Variants in CNTN5 observed in about 807,000 individuals in gnomAD.
CNTN5 encodes contactin 5.
In CNTN5, 77 loss-of-function variants were observed where a neutral mutation model predicts 129.1. The ratio of observed to expected loss-of-function variants is 0.60; its 90% CI spans 0.50 to 0.72. CNTN5 has a LOEUF of 0.72. Among genes scored for constraint, CNTN5 ranks in the 30% least tolerant of loss-of-function variants. The pLI, the probability that CNTN5 is intolerant of heterozygous loss-of-function variation, is 0.00. For missense variants in CNTN5, 1,478 were observed against 1,328.8 expected, an observed-to-expected ratio of 1.11 and a Z score of -1.75; for synonymous variants, 509 against 465.6, an observed-to-expected ratio of 1.09 and a Z score of -1.20.
chr11:100,299,258 TCC>T lies in CNTN5; in HGVS notation c.2483_2484del (p.Ser828PhefsTer2). Reference protein sequence around the residue: ...TRGWKEKMVTSSEASKFIYRD... With the variant: ...TRGWKEKMVTXSEASKFIYRD... ...TGGCTGGAAGGAAAAAATGGTGACA[TCC>T]TCTGAAGCTTCCAAATTCATTTATC... is the stretch of plus-strand genomic sequence containing the variant. On this transcript the variant is annotated frameshift_variant, in exon 20 of 25. Coordinates refer to ENST00000524871, the MANE Select transcript of CNTN5 (RefSeq NM_014361.4). LOFTEE classifies it high-confidence loss of function. The T allele has an allele frequency of 6.2e-7, 1 of 1,610,624 alleles. No homozygotes were observed. Among genetic ancestry groups the T allele is most frequent in the Non-Finnish European group, 8.5e-7 (1 of 1,177,750 alleles).
intron 15 of CNTN5, among the ~76,000 whole-genome samples, chr11:100,208,056 A>C (rs1475160250): frequency 6.6e-6 from 1 of 152,208 alleles, no homozygotes; most frequent in East Asian, 1.9e-4. Context: ...ATTGAGATTT[A>C]AATATTTTTA....
intron 6 of CNTN5, among the ~76,000 whole-genome samples, chr11:99,863,694 C>T (rs565444141): frequency 6.6e-6 from 1 of 152,134 alleles, no homozygotes; most frequent in Non-Finnish European, 1.5e-5. Context: ...TATTTTCTAG[C>T]ACCTAAAATT....
At chr11:99,086,257 C>T (rs1175738543) in intron 1 of CNTN5, among the ~76,000 whole-genome samples, 4 of 152,216 alleles carry the variant, frequency 2.6e-5, no homozygotes, top group African/African-American at 9.6e-5. Flanking sequence ...TTCCATCTCA[C>T]ACACACCCAC....
intron 3 of CNTN5, among the ~76,000 whole-genome samples, chr11:99,556,748 A>G (rs1250118953): frequency 1.3e-5 from 2 of 150,612 alleles, no homozygotes; most frequent in African/African-American, 4.8e-5. Flanking sequence ...TAGCTTTATT[A>G]TATATAACAC....
chr11:99,927,422 C>T (rs555987631), intron 7 of CNTN5, among the ~76,000 whole-genome samples: 12 of 152,144 alleles, frequency 7.9e-5, no homozygotes, highest in African/African-American at 2.2e-4. Context: ...TGCATTATCC[C>T]GCTGCTATGA....
intron 3 of CNTN5, among the ~76,000 whole-genome samples, chr11:99,805,110 T>A (rs1946228952): frequency 6.6e-6 from 1 of 152,082 alleles, no homozygotes; most frequent in Non-Finnish European, 1.5e-5. Flanking sequence ...TGTGCTTTGG[T>A]TTAAAGGTTT....
chr11:99,609,676 T>A (rs1013266959), intron 3 of CNTN5, among the ~76,000 whole-genome samples: 4 of 152,024 alleles, frequency 2.6e-5, no homozygotes, highest in African/African-American at 9.7e-5. Context: ...CTTAGGAACT[T>A]TAGATTATTG....
chr11:99,228,528 A>G (rs75517176), intron 1 of CNTN5, among the ~76,000 whole-genome samples: 14,625 of 152,166 alleles, frequency 0.096, 740 homozygotes, highest in Middle Eastern at 0.12. Flanking sequence ...TCCAGATGAT[A>G]GATACCCTAA....
intron 13 of CNTN5, among the ~76,000 whole-genome samples, chr11:100,115,843 C>T (rs1255268495): frequency 5.3e-5 from 8 of 151,858 alleles, no homozygotes; most frequent in Non-Finnish European, 1.2e-4. Context: ...GGTTTTGAAA[C>T]TCAGAAACTA....
At chr11:99,130,518 A>T (rs1858879246) in intron 1 of CNTN5, among the ~76,000 whole-genome samples, 1 of 152,196 alleles carries the variant, frequency 6.6e-6, no homozygotes, top group Non-Finnish European at 1.5e-5. Context: ...TAATAGTGGG[A>T]GAATGTAATG....
At chr11:99,267,387 G>A (rs1010887054) in intron 1 of CNTN5, among the ~76,000 whole-genome samples, 4 of 151,900 alleles carry the variant, frequency 2.6e-5, no homozygotes, top group African/African-American at 9.7e-5. Flanking sequence ...TTCAGTTGGT[G>A]TCTTTAATGT....
intron 7 of CNTN5, among the ~76,000 whole-genome samples, chr11:99,920,705 C>A (rs1161294737): frequency 5.9e-5 from 9 of 152,168 alleles, no homozygotes; most frequent in Non-Finnish European, 7.3e-5. Flanking sequence ...TGTGTACTCA[C>A]ATGGTGGAAG....
intron 9 of CNTN5, among the ~76,000 whole-genome samples, chr11:100,059,133 G>C (rs1036244609): frequency 3.3e-5 from 5 of 152,140 alleles, no homozygotes; most frequent in Admixed American, 3.3e-4. Flanking sequence ...CAAATTATAT[G>C]ACAAAAGCAA....
At chr11:100,002,483 A>G (rs1010728565) in intron 9 of CNTN5, among the ~76,000 whole-genome samples, 3 of 152,202 alleles carry the variant, frequency 2.0e-5, no homozygotes, top group East Asian at 1.9e-4. Context: ...GCAAAGTACT[A>G]TCTGCTCCTC....
At chr11:99,901,364 C>T (rs1043277779) in intron 6 of CNTN5, among the ~76,000 whole-genome samples, 1 of 151,996 alleles carries the variant, frequency 6.6e-6, no homozygotes, top group Non-Finnish European at 1.5e-5. Flanking sequence ...GATCTTGGCT[C>T]ACTGCCACCT....
intron 1 of CNTN5, among the ~76,000 whole-genome samples, chr11:99,219,130 A>C (rs1236863846): frequency 6.6e-6 from 1 of 152,038 alleles, no homozygotes; most frequent in Admixed American, 6.6e-5. Context: ...TATATTCAAC[A>C]AATATTTACT....
chr11:99,526,836 C>T (rs567611987), intron 2 of CNTN5, among the ~76,000 whole-genome samples: 1 of 152,316 alleles, frequency 6.6e-6, no homozygotes, highest in African/African-American at 2.4e-5. Context: ...CTGTAAAACT[C>T]AGCCAACACA....
chr11:99,572,493 G>C (rs1206760252), intron 3 of CNTN5, among the ~76,000 whole-genome samples: 1 of 152,156 alleles, frequency 6.6e-6, no homozygotes, highest in Non-Finnish European at 1.5e-5. Flanking sequence ...GTTTGCCTAA[G>C]TGTCCAGAGT....
chr11:100,294,128 C>A (rs1447965117), intron 18 of CNTN5, among the ~76,000 whole-genome samples: 1 of 151,436 alleles, frequency 6.6e-6, no homozygotes, highest in African/African-American at 2.4e-5. Flanking sequence ...TCGAAAAGAG[C>A]TGTATTTTTT....
Sources: allele counts gnomAD v4.1 joint callset (sites outside exome capture counted in the v4.1 genomes callset), GRCh38; gene constraint gnomAD v4.1.1; transcripts MANE v1.5; gene names NCBI Gene and HGNC (gene_info 2026-07-23, HGNC 2026-07-21).